HNRNPUL1: variants seen among roughly 807,000 people sequenced by gnomAD.
HNRNPUL1 encodes the protein heterogeneous nuclear ribonucleoprotein U like 1.
Under a neutral mutation model 108.5 loss-of-function variants are expected in HNRNPUL1, and 14 were observed. The observed-to-expected ratio is 0.13, with a 90% CI of 0.09 to 0.20. HNRNPUL1 has a LOEUF of 0.20. HNRNPUL1 is among the 10% of genes least tolerant of loss of function. The pLI is 1.00. For synonymous variants in HNRNPUL1, 422 were observed against 445.2 expected (o/e 0.95, Z 0.66); for missense variants, 804 against 1,168.3 (o/e 0.69, Z 4.55).
chr19:41,288,655 G>A (rs572057058), intron 7 of HNRNPUL1, among the ~76,000 whole-genome samples: 1 of 152,170 alleles, frequency 6.6e-6, no homozygotes, highest in African/African-American at 2.4e-5. Context: ...CCTCCCTTTG[G>A]TGGACATGTC....
chr19:41,290,163 G>A (rs902173853), intron 7 of HNRNPUL1, among the ~76,000 whole-genome samples: 1 of 152,166 alleles, frequency 6.6e-6, no homozygotes, highest in Non-Finnish European at 1.5e-5. Flanking sequence ...CAATTCCCAA[G>A]GTGGTCACCT....
At chr19:41,298,129 A>C (rs1014105052) in intron 10 of HNRNPUL1, among the ~76,000 whole-genome samples, 1 of 152,162 alleles carries the variant, frequency 6.6e-6, no homozygotes, top group Non-Finnish European at 1.5e-5. Flanking sequence ...GACAAGTGAG[A>C]GTAGACAGGG....
chr19:41,305,419 C>T (rs1393632446), intron 13 of HNRNPUL1, among the ~76,000 whole-genome samples: 4 of 152,168 alleles, frequency 2.6e-5, no homozygotes, highest in East Asian at 1.9e-4. Context: ...CAAGAAGTGC[C>T]GTGTACCTTG....
At chr19:41,287,769 A>G (rs947492425) in intron 7 of HNRNPUL1, among the ~76,000 whole-genome samples, 1 of 152,114 alleles carries the variant, frequency 6.6e-6, no homozygotes, top group Non-Finnish European at 1.5e-5. Context: ...CATGTTGGCC[A>G]GGCTAGTCTC....
At chr19:41,278,975 C>T (rs76912716) in intron 5 of HNRNPUL1, 102 bp from the exon 6 acceptor site, 23,733 of 818,206 alleles carry the variant, frequency 0.029, 1,614 homozygotes, top group African/African-American at 0.19. Context: ...CAAGAAAAGC[C>T]ATTGCTATTT....
Position 41,302,773 on chromosome 19 carries a change from G to A in HNRNPUL1, c.1796G>A (p.Arg599His), listed in dbSNP as rs934695478. Reference sequence around the variant, plus strand: ...GTGAGGCAGTACAACGAGGAAGGCCGCAAGGCTGGGCCACCCCCTGAAAAG... The same window carrying A: ...GTGAGGCAGTACAACGAGGAAGGCCACAAGGCTGGGCCACCCCCTGAAAAG... ...KLVRQYNEEG[R>H]KAGPPPEKRF... Residue 599 changes from arginine to histidine, a missense_variant, in exon 12 of 15, where the codon CGC becomes CAC. Transcript: ENST00000392006. The A allele has an allele frequency of 5.6e-6, 9 of 1,613,296 alleles. No homozygotes were observed. The highest frequency in any genetic ancestry group is 6.8e-6 in the Non-Finnish European group (8 of 1,179,318).
Position 41,292,608 on chromosome 19 carries a change from TG to T in HNRNPUL1, c.1266+101del. ...CACAGACTTGCTGCGAGAGTAGCCT[TG>T]GGGCAAGTGGCCACTTTGTCCCAGC... On this transcript the variant is annotated intron_variant, in intron 8 of 14. Transcript: ENST00000392006. This position sits in a 1 kb window ranked among gnomAD's most constrained non-coding sequence, Gnocchi z 4.1. The T allele has an allele frequency of 6.9e-7, 1 of 1,450,510 alleles. No individual in the cohort carries two copies. The highest frequency in any genetic ancestry group is 9.5e-7 in the Non-Finnish European group (1 of 1,050,006). The allele number at this position is 1,450,510 out of a possible 1,614,324, so 89.9% of individuals were successfully genotyped here. A position where few individuals can be genotyped will look rare whatever the true frequency, so the allele number is the denominator to read the frequency against.
intron 10 of HNRNPUL1, among the ~76,000 whole-genome samples, chr19:41,295,463 C>T (rs759472059): frequency 7.9e-5 from 12 of 152,234 alleles, no homozygotes; most frequent in Non-Finnish European, 1.6e-4. Context: ...AGATTCCTGT[C>T]TCAGAGTAAT....
chr19:41,302,883 G>C lies in HNRNPUL1; in HGVS notation c.1906G>C (p.Gly636Arg). The C allele has an allele frequency of 6.5e-7, 1 of 1,548,386 alleles. No individual in the cohort carries two copies. Among genetic ancestry groups the C allele is most frequent in the Non-Finnish European group, 8.7e-7 (1 of 1,147,976 alleles). The stretch of plus-strand genomic sequence containing the variant: ...GCGCTATGAAAACCGAGGACCCCCT[G>C]GAGGCAACCGTGGCGGCTTCCAGAA... Reference protein sequence around the residue: ...FQRYENRGPPGGNRGGFQNRG... With the variant: ...FQRYENRGPPRGNRGGFQNRG... The change falls in exon 12 of 15, where the codon GGA becomes CGA. Residue 636 changes from glycine (G) to arginine (R), a missense_variant. By Grantham distance (125) the Gly-to-Arg change is moderately radical. Transcript: ENST00000392006.
At chr19:41,306,390 G>C in intron 14 of HNRNPUL1, 59 bp from the exon 15 acceptor site, 1 of 1,155,808 alleles carries the variant, frequency 8.7e-7, no homozygotes, top group Non-Finnish European at 1.2e-6. Flanking sequence ...GGGGCTGGTG[G>C]GGAGGCTAAA....
intron 2 of HNRNPUL1, among the ~76,000 whole-genome samples, chr19:41,269,302 C>CA (rs752142463): frequency 3.3e-5 from 5 of 151,096 alleles, no homozygotes; most frequent in Non-Finnish European, 7.4e-5. Flanking sequence ...CCCTTCTCTA[C>CA]AAAAAATTTA....
At chr19:41,277,109 CAAAAA>C (rs368135195) in intron 5 of HNRNPUL1, among the ~76,000 whole-genome samples, 1 of 111,462 alleles carries the variant, frequency 9.0e-6, no homozygotes, top group Non-Finnish European at 2.1e-5. Flanking sequence ...AAAAAAAAAA[CAAAAA>C]AACAAAAACA....
intron 6 of HNRNPUL1, among the ~76,000 whole-genome samples, chr19:41,280,339 A>G (rs544131726): frequency 2.3e-4 from 35 of 152,284 alleles, no homozygotes; most frequent in African/African-American, 8.4e-4. Flanking sequence ...AGAATTGCAC[A>G]TGTACCCCAT....
At chr19:41,276,432 CTG>C (rs2122572470) in intron 5 of HNRNPUL1, 134 bp downstream of exon 5, 1 of 925,586 alleles carries the variant, frequency 1.1e-6, no homozygotes, top group Non-Finnish European at 1.6e-6. Context: ...GCAGACAAAA[CTG>C]TGATGAACTC....
At chr19:41,290,940 G>T (rs1015694461) in intron 7 of HNRNPUL1, among the ~76,000 whole-genome samples, 2 of 152,222 alleles carry the variant, frequency 1.3e-5, no homozygotes, top group African/African-American at 4.8e-5. Context: ...TGTAATCCCA[G>T]CTAATTGAGG....
At position 41,285,458 on chromosome 19, in the gene HNRNPUL1, A is replaced by G. The variant is rs1333750884; in HGVS notation, c.999+4183A>G. On this transcript the variant is annotated intron_variant, in intron 7 of 14. Coordinates refer to ENST00000392006, the MANE Select transcript of HNRNPUL1 (RefSeq NM_007040.6). Reference sequence around the variant, plus strand: ...GAGCTCAAGCAATCCGCCCTCCTTGACCTCCCAAAGTTCTGGGATTATAGG... The same window carrying G: ...GAGCTCAAGCAATCCGCCCTCCTTGGCCTCCCAAAGTTCTGGGATTATAGG... 3.3e-5 allele frequency among the ~76,000 whole-genome samples: 5 copies of G among 151,908 alleles called. No homozygotes were observed. The East Asian group carries it at 9.6e-4, about 29-fold the overall frequency.
At chr19:41,272,986 C>T (rs748008690) in intron 3 of HNRNPUL1, among the ~76,000 whole-genome samples, 1 of 152,182 alleles carries the variant, frequency 6.6e-6, no homozygotes, top group Non-Finnish European at 1.5e-5. Context: ...TCCTATCTGG[C>T]GGAGTCCACC....
At chr19:41,302,083 C>A (rs1040934359) in intron 11 of HNRNPUL1, among the ~76,000 whole-genome samples, 1 of 152,022 alleles carries the variant, frequency 6.6e-6, no homozygotes, top group Non-Finnish European at 1.5e-5. Flanking sequence ...GGGGTGAGGC[C>A]TGAGGGAGCT....
At chr19:41,264,345 G>A (rs1015234661), upstream of HNRNPUL1, 1 of 548,460 alleles carries the variant, frequency 1.8e-6, no homozygotes, top group African/African-American at 2.0e-5. Context: ...CGAGGCACGA[G>A]TGAGGGGGGA....
Sources: allele counts gnomAD v4.1 joint callset (sites outside exome capture counted in the v4.1 genomes callset), GRCh38; gene constraint gnomAD v4.1.1; non-coding constraint Gnocchi (gnomAD v3.1); transcripts MANE v1.5; gene names NCBI Gene and HGNC (gene_info 2026-07-23, HGNC 2026-07-21).